The following RBFOX1 variants were observed in gnomAD, a reference collection of about 807,000 sequenced individuals.
RBFOX1 encodes RNA binding fox-1 homolog 1.
In RBFOX1, 8 loss-of-function variants were observed where a neutral mutation model predicts 57.7. The ratio of observed to expected loss-of-function variants is 0.14; its 90% confidence interval spans 0.08 to 0.25. The LOEUF is 0.25. RBFOX1 is among the 10% of genes least tolerant of loss of function. The probability of loss-of-function intolerance (pLI) is 1.00; values close to 1 mark genes in which losing one functional copy is unlikely to be tolerated. For synonymous variants in RBFOX1, 326 were observed against 222.4 expected, an observed-to-expected ratio of 1.47 and a Z score of -4.15; for missense variants, 611 against 548.5, an observed-to-expected ratio of 1.11 and a Z score of -1.14.
intron 2 of RBFOX1, among the ~76,000 whole-genome samples, chr16:5,533,940 A>C (rs988465039): frequency 6.6e-6 from 1 of 152,190 alleles, no homozygotes; most frequent in African/African-American, 2.4e-5. Context: ...TAAGGAGAGC[A>C]GGAATTGTTG....
At chr16:6,612,105 G>T (rs1405036376) in intron 2 of RBFOX1, among the ~76,000 whole-genome samples, 1 of 152,078 alleles carries the variant, frequency 6.6e-6, no homozygotes, top group South Asian at 2.1e-4. Flanking sequence ...TCTTGCATAT[G>T]GTACATGATG....
chr16:5,522,791 C>T (rs547014749), intron 2 of RBFOX1, among the ~76,000 whole-genome samples: 23 of 152,322 alleles, frequency 1.5e-4, no homozygotes, highest in African/African-American at 5.1e-4. Flanking sequence ...GAATGCGTCA[C>T]GTTTGTCTTT....
intron 3 of RBFOX1, among the ~76,000 whole-genome samples, chr16:6,943,664 C>T (rs1338652675): frequency 1.3e-5 from 2 of 149,680 alleles, no homozygotes; most frequent in African/African-American, 5.0e-5. Flanking sequence ...GCCAAGATTG[C>T]GTCACTGCAC....
chr16:5,594,130 G>A (rs185970810), intron 2 of RBFOX1, among the ~76,000 whole-genome samples: 84 of 152,206 alleles, frequency 5.5e-4, no homozygotes, highest in African/African-American at 1.9e-3. Flanking sequence ...CCCCACCTCT[G>A]ACCCCACACC....
intron 3 of RBFOX1, among the ~76,000 whole-genome samples, chr16:5,749,081 C>G (rs374305293): frequency 3.3e-5 from 5 of 152,122 alleles, no homozygotes; most frequent in African/African-American, 7.2e-5. Context: ...GACAAAATCT[C>G]TCAGGATTTG....
At chr16:7,164,632 GTA>G (rs1391177362) in intron 4 of RBFOX1, among the ~76,000 whole-genome samples, 5 of 152,134 alleles carry the variant, frequency 3.3e-5, no homozygotes. Context: ...TCTTTTCTGT[GTA>G]TACACACACA....
intron 1 of RBFOX1, among the ~76,000 whole-genome samples, chr16:6,086,964 T>C (rs1299024368): frequency 6.6e-6 from 1 of 152,128 alleles, no homozygotes; most frequent in Non-Finnish European, 1.5e-5. Flanking sequence ...GGCAACTGAG[T>C]CACAAAGCTG....
chr16:6,988,295 T>A (rs1464978503), intron 3 of RBFOX1, among the ~76,000 whole-genome samples: 2 of 152,182 alleles, frequency 1.3e-5, no homozygotes, highest in Non-Finnish European at 2.9e-5. Context: ...TTTAGAGCAG[T>A]GTAGTCTATT....
chr16:6,649,229 C>T (rs760352594), intron 2 of RBFOX1, among the ~76,000 whole-genome samples: 1 of 152,186 alleles, frequency 6.6e-6, no homozygotes, highest in Non-Finnish European at 1.5e-5. Context: ...CAACTTAACA[C>T]AGTGTTCTCC....
intron 4 of RBFOX1, among the ~76,000 whole-genome samples, chr16:7,145,879 T>G (rs1268274999): frequency 6.6e-6 from 1 of 152,084 alleles, no homozygotes; most frequent in Non-Finnish European, 1.5e-5. Context: ...ACAGCCTAGT[T>G]CTCTGAGGTT....
chr16:5,814,384 G>A (rs2151787473), intron 3 of RBFOX1, among the ~76,000 whole-genome samples: 1 of 152,254 alleles, frequency 6.6e-6, no homozygotes, highest in South Asian at 2.1e-4. Flanking sequence ...CCAAATCCAA[G>A]CTTCACCAAC....
chr16:6,836,361 C>T (rs749235612), intron 3 of RBFOX1, among the ~76,000 whole-genome samples: 7 of 152,178 alleles, frequency 4.6e-5, no homozygotes, highest in African/African-American at 1.7e-4. Context: ...GAAACTGAAA[C>T]ACACAGCAAC....
chr16:6,035,428 T>A (rs1216807557), intron 1 of RBFOX1, among the ~76,000 whole-genome samples: 2 of 152,206 alleles, frequency 1.3e-5, no homozygotes, highest in Non-Finnish European at 2.9e-5. Flanking sequence ...CATCCTCCAT[T>A]CGATCACAGT....
intron 5 of RBFOX1, among the ~76,000 whole-genome samples, chr16:7,559,311 C>A (rs923440396): frequency 6.9e-6 from 1 of 145,542 alleles, no homozygotes; most frequent in African/African-American, 2.8e-5. Flanking sequence ...ACATCTCTTT[C>A]TCTCAGTCTC....
intron 1 of RBFOX1, among the ~76,000 whole-genome samples, chr16:6,122,814 G>GTA (rs1567508861): frequency 1.3e-5 from 2 of 151,842 alleles, no homozygotes; most frequent in African/African-American, 2.4e-5. Flanking sequence ...GTGTGTGTGT[G>GTA]TGTGTGTGTG....
At chr16:5,665,601 A>C in intron 3 of RBFOX1, among the ~76,000 whole-genome samples, 1 of 152,188 alleles carries the variant, frequency 6.6e-6, no homozygotes, top group East Asian at 1.9e-4. Context: ...TCACCATCAG[A>C]GAACCAGCGC....
intron 4 of RBFOX1, among the ~76,000 whole-genome samples, chr16:7,305,558 A>AC (rs759412920): frequency 2.0e-5 from 3 of 152,208 alleles, no homozygotes; most frequent in Non-Finnish European, 4.4e-5. Context: ...CCATTTGTTA[A>AC]CATGAGTGTG....
chr16:5,473,190 T>C (rs1384538029), intron 2 of RBFOX1, among the ~76,000 whole-genome samples: 2 of 152,214 alleles, frequency 1.3e-5, no homozygotes, highest in Non-Finnish European at 2.9e-5. Context: ...CATGTTTATT[T>C]ACATGATTTC....
chr16:5,415,736 A>T (rs534944491), intron 1 of RBFOX1, among the ~76,000 whole-genome samples: 162 of 152,350 alleles, frequency 1.1e-3, no homozygotes, highest in African/African-American at 3.7e-3. Context: ...TAAAAAGGTG[A>T]TTATATTTAA....
Sources: allele counts gnomAD v4.1 joint callset (sites outside exome capture counted in the v4.1 genomes callset), GRCh38; gene constraint gnomAD v4.1.1; transcripts MANE v1.5; gene names NCBI Gene and HGNC (gene_info 2026-07-23, HGNC 2026-07-21).